The following FRS2 variants were observed in gnomAD, a reference collection of about 807,000 sequenced individuals.
FRS2 encodes fibroblast growth factor receptor substrate 2.
FRS2 carries 8 observed loss-of-function variants against 43.9 expected under a neutral mutation model. The ratio of observed to expected loss-of-function variants is 0.18; its 90% confidence interval spans 0.11 to 0.33. The LOEUF is 0.33. FRS2 is among the 10% of genes least tolerant of loss of function. The pLI, the probability that FRS2 is intolerant of heterozygous loss-of-function variation, is 1.00. For synonymous variants in FRS2, 219 were observed against 220.3 expected, an observed-to-expected ratio of 0.99 and a Z score of 0.05; for missense variants, 534 against 627.6, an observed-to-expected ratio of 0.85 and a Z score of 1.59.
At chr12:69,470,905 A>G (rs1046479029) in intron 1 of FRS2, among the ~76,000 whole-genome samples, 4 of 151,940 alleles carry the variant, frequency 2.6e-5, no homozygotes, top group Admixed American at 2.0e-4. Flanking sequence ...ACCAGACTCA[A>G]TCTTGGGCTC....
intron 1 of FRS2, among the ~76,000 whole-genome samples, chr12:69,523,865 C>T (rs1875930955): frequency 2.0e-5 from 3 of 152,184 alleles, no homozygotes. Context: ...TTCCAGTGCT[C>T]CAGGAACACT....
chr12:69,479,808 T>G (rs1287952351), intron 1 of FRS2, among the ~76,000 whole-genome samples: 2 of 152,320 alleles, frequency 1.3e-5, no homozygotes, highest in African/African-American at 4.8e-5. Flanking sequence ...GTGCTTGGTA[T>G]TAACTAGGTT....
At chr12:69,492,814 T>C (rs564246491) in intron 1 of FRS2, among the ~76,000 whole-genome samples, 3 of 152,354 alleles carry the variant, frequency 2.0e-5, no homozygotes, top group South Asian at 4.1e-4. Flanking sequence ...TAATTCTCTG[T>C]TTGGTTCCAT....
intron 3 of FRS2, among the ~76,000 whole-genome samples, chr12:69,537,231 C>G (rs1232391149): frequency 6.6e-6 from 1 of 152,100 alleles, no homozygotes; most frequent in African/African-American, 2.4e-5. Context: ...GAATTTTAGA[C>G]AAATTACTGT....
At chr12:69,561,187 G>A (rs747438137) in intron 3 of FRS2, among the ~76,000 whole-genome samples, 8 of 152,056 alleles carry the variant, frequency 5.3e-5, no homozygotes, top group Non-Finnish European at 1.2e-4. Flanking sequence ...GAAAAGAAAG[G>A]GTTAATAAAG....
chr12:69,526,573 T>C (rs1370787225), intron 1 of FRS2, among the ~76,000 whole-genome samples: 1 of 152,190 alleles, frequency 6.6e-6, no homozygotes. Flanking sequence ...CATGAGAGGA[T>C]TTTTTAGAAA....
At chr12:69,514,694 G>T (rs1020529491) in intron 1 of FRS2, among the ~76,000 whole-genome samples, 1 of 152,066 alleles carries the variant, frequency 6.6e-6, no homozygotes, top group Non-Finnish European at 1.5e-5. Flanking sequence ...TTAGCCAAGC[G>T]TGTTGGTGTG....
chr12:69,473,531 T>C (rs1490849438), intron 1 of FRS2, among the ~76,000 whole-genome samples: 1 of 152,176 alleles, frequency 6.6e-6, no homozygotes, highest in Non-Finnish European at 1.5e-5. Context: ...CTGTTCATTT[T>C]TGGGAATTAG....
chr12:69,485,691 C>A (rs555492799), intron 1 of FRS2, among the ~76,000 whole-genome samples: 1 of 151,852 alleles, frequency 6.6e-6, no homozygotes, highest in African/African-American at 2.4e-5. Context: ...TGGTCTGGAG[C>A]TCCTGACCTT....
intron 1 of FRS2, among the ~76,000 whole-genome samples, chr12:69,525,363 A>ACAAACATT (rs1415011692): frequency 6.6e-6 from 1 of 152,128 alleles, no homozygotes; most frequent in African/African-American, 2.4e-5. Context: ...GACTATAGAG[A>ACAAACATT]GACTGTGTGT....
intron 3 of FRS2, among the ~76,000 whole-genome samples, chr12:69,539,045 G>A (rs996644319): frequency 1.3e-5 from 2 of 152,018 alleles, no homozygotes; most frequent in African/African-American, 2.4e-5. Context: ...CTAAATGCTT[G>A]GGATCAGATG....
Position 69,574,540 on chromosome 12 carries a change from A to G in FRS2, c.1112A>G (p.Asn371Ser), listed in dbSNP as rs1233748877. The change falls in exon 9 of 9, where the codon AAT (asparagine) becomes AGT (serine). Residue 371 changes from asparagine (N) to serine (S), a missense_variant. Coordinates refer to ENST00000549921, the MANE Select transcript of FRS2 (RefSeq NM_001278356.2). ...AAGCTAAGTAGGGATGAAGATGACAATTTAGGACCAAAGACCCCATCTCTA... is the reference window on the plus strand; with the variant it reads ...AAGCTAAGTAGGGATGAAGATGACAGTTTAGGACCAAAGACCCCATCTCTA... ...ARKLSRDEDD[N>S]LGPKTPSLNG... 2 of 1,614,192 alleles carry G rather than the reference A, an allele frequency of 1.2e-6. No individual in the cohort carries two copies. The highest frequency in any genetic ancestry group is 1.3e-5 in the African/African-American group (1 of 75,060).
At chr12:69,572,091 T>C (rs745747606) in intron 7 of FRS2, 27 bp from the exon 8 acceptor site, 4 of 1,600,310 alleles carry the variant, frequency 2.5e-6, no homozygotes, top group Non-Finnish European at 3.4e-6. Flanking sequence ...GCCCCCCTTT[T>C]CCTTAAACCA....
chr12:69,548,426 A>C (rs1878601993), intron 3 of FRS2, among the ~76,000 whole-genome samples: 1 of 152,180 alleles, frequency 6.6e-6, no homozygotes, highest in Non-Finnish European at 1.5e-5. Context: ...TTGGATATTA[A>C]TCTTAATGAA....
At chr12:69,563,869 C>A (rs1880064607) in intron 4 of FRS2, among the ~76,000 whole-genome samples, 1 of 152,184 alleles carries the variant, frequency 6.6e-6, no homozygotes, top group Non-Finnish European at 1.5e-5. Flanking sequence ...TCCTCCTTCT[C>A]TGGGTAAACC....
chr12:69,522,316 T>G (rs1186899884), intron 1 of FRS2, among the ~76,000 whole-genome samples: 3 of 151,906 alleles, frequency 2.0e-5, no homozygotes, highest in Non-Finnish European at 2.9e-5. Flanking sequence ...TCAGTTTTTT[T>G]GGAATAGTTT....
At chr12:69,554,135 G>A (rs901480175) in intron 3 of FRS2, among the ~76,000 whole-genome samples, 2 of 152,148 alleles carry the variant, frequency 1.3e-5, no homozygotes, top group East Asian at 3.8e-4. Context: ...TTTGTATGTA[G>A]TCTGCTTTTG....
intron 3 of FRS2, among the ~76,000 whole-genome samples, chr12:69,545,719 GCACTCCAGCC>G (rs1878316132): frequency 1.5e-5 from 2 of 134,762 alleles, no homozygotes; most frequent in Non-Finnish European, 3.1e-5. Context: ...TCGTGCCACT[GCACTCCAGCC>G]TGGGCGACAG....
intron 3 of FRS2, among the ~76,000 whole-genome samples, chr12:69,557,597 T>TGTGTGTGTGCGTGC (rs1386244095): frequency 2.4e-5 from 1 of 41,210 alleles, no homozygotes; most frequent in African/African-American, 6.3e-5. Flanking sequence ...AGGTTGATTG[T>TGTGTGTGTGCGTGC]GTGTGTGTGT....
Sources: allele counts gnomAD v4.1 joint callset (sites outside exome capture counted in the v4.1 genomes callset), GRCh38; gene constraint gnomAD v4.1.1; transcripts MANE v1.5; gene names NCBI Gene and HGNC (gene_info 2026-07-23, HGNC 2026-07-21).